Variants in C4orf50 observed in about 807,000 individuals in gnomAD.
C4orf50 encodes the protein chromosome 4 open reading frame 50.
In C4orf50, 80 loss-of-function variants were observed where a neutral mutation model predicts 77.2. That is an observed-to-expected ratio of 1.04 (90% CI 0.87 to 1.25). The LOEUF (loss-of-function observed/expected upper bound fraction) is 1.25, where lower values mean the gene tolerates loss of function less well. Among genes scored for constraint, C4orf50 ranks in the 50% most tolerant of loss-of-function variants. The pLI is 0.00. For missense variants in C4orf50, 1,257 were observed against 1,152.9 expected (o/e 1.09, Z -1.31); for synonymous variants, 532 against 465.3 (o/e 1.14, Z -1.84).
Position 5,992,681 on chromosome 4 carries a change from C to G in C4orf50, c.1221+122G>C. On this transcript the variant is annotated intron_variant, in intron 27 of 33. Coordinates refer to ENST00000531445, the Ensembl canonical transcript of C4orf50. The surrounding 1 kb of genome is among the most constrained non-coding windows in gnomAD (Gnocchi z 5.0). ...CTCTCTCAACTACTTCCAGAATGTTCTCCCAGACCTGGAGCTTCTTTACCC... is the reference window on the plus strand; with the variant it reads ...CTCTCTCAACTACTTCCAGAATGTTGTCCCAGACCTGGAGCTTCTTTACCC... 1 of 358,056 alleles carries G rather than the reference C, an allele frequency of 2.8e-6. No homozygotes were observed. The highest frequency in any genetic ancestry group is 1.5e-4 in the South Asian group (1 of 6,704). The allele number at this position is 358,056 out of a possible 1,614,324, so 22.2% of individuals were successfully genotyped here.
Position 5,916,631 on chromosome 4 carries a change from T to C in C4orf50, c.*2475-18443A>G, listed in dbSNP as rs187661484. ...CCTGAGACCCAGACAGGGGTGCAGG[T>C]GGTTTATTTGGGGGGAGATCCCAGA... On this transcript the variant is annotated intron_variant, in intron 7 of 7. Transcript: ENST00000324058. The surrounding 1 kb of genome is among the most constrained non-coding windows in gnomAD (Gnocchi z 4.4). 1.7e-4 allele frequency among the ~76,000 whole-genome samples: 26 copies of C among 151,714 alleles called. No individual in the cohort carries two copies. The highest frequency in any genetic ancestry group is 1.1e-3 in the Admixed American group (17 of 15,230).
At position 6,018,463 on chromosome 4, in the gene C4orf50, A is replaced by G. The variant is rs4234717; in HGVS notation, c.-32T>C. Reference sequence around the variant, plus strand: ...AATATTTCATGGGGCAAGACTTAATAATAAAATTAAGTGAGTTTGCAACAT... The same window carrying G: ...AATATTTCATGGGGCAAGACTTAATGATAAAATTAAGTGAGTTTGCAACAT... On this transcript the variant is annotated 5_prime_UTR_variant, in exon 23 of 34. Transcript: ENST00000531445. This position sits in a 1 kb window ranked among gnomAD's most constrained non-coding sequence, Gnocchi z 5.1. The G allele has an allele frequency of 0.54, 216,633 of 398,554 alleles. 59,333 individuals carry two copies. The highest frequency in any genetic ancestry group is 0.6 in the Admixed American group (13,631 of 22,702). The allele number at this position is 398,554 out of a possible 1,614,324, so 24.7% of individuals were successfully genotyped here.
Position 5,908,973 on chromosome 4 carries a change from T to C in C4orf50, c.*2475-10785A>G, listed in dbSNP as rs1716672868. On this transcript the variant is annotated intron_variant, in intron 7 of 7. Transcript: ENST00000324058. This position sits in a 1 kb window ranked among gnomAD's most constrained non-coding sequence, Gnocchi z 5.6. ...CCCAGCCCAGTCCATGACTGCCTCT[T>C]AGCTGGACCACAGAGAGTTTCCTAA... 6.6e-6 allele frequency among the ~76,000 whole-genome samples: 1 copy of C among 152,186 alleles called. No individual in the cohort carries two copies. Among genetic ancestry groups the C allele is most frequent in the Admixed American group, 6.5e-5 (1 of 15,280 alleles).
At chr4:5,998,758 G>T (rs1447468798) in intron 25 of C4orf50, among the ~76,000 whole-genome samples, 1 of 152,212 alleles carries the variant, frequency 6.6e-6, no homozygotes, top group East Asian at 1.9e-4. Flanking sequence ...TCCTCTATAA[G>T]CTTTTGGAGG....
chr4:5,989,379 G>A lies in C4orf50; in HGVS notation c.2667C>T (p.Ser889=), dbSNP rs187983919. ...GTGTCCCTGGGTTACCAGGAACTTC[G>A]CTGGTGCCCAGGGCCGTGGTCTTTC... is the stretch of plus-strand genomic sequence containing the variant. Residue 889 remains serine (S), a synonymous_variant, in exon 28 of 34, where the codon AGC becomes AGT. Transcript: ENST00000531445. 6.9e-5 allele frequency: 106 copies of A among 1,536,040 alleles called. 1 individual carries two copies. The highest frequency in any genetic ancestry group is 5.0e-4 in the Middle Eastern group (3 of 5,990).
chr4:5,933,501 G>A (rs1577903735), intron 7 of C4orf50, among the ~76,000 whole-genome samples: 1 of 152,162 alleles, frequency 6.6e-6, no homozygotes, highest in Non-Finnish European at 1.5e-5. Flanking sequence ...GCACACACTG[G>A]TACACACCAG....
intron 31 of C4orf50, among the ~76,000 whole-genome samples, chr4:5,971,861 G>C (rs753076414): frequency 6.8e-4 from 103 of 152,276 alleles, no homozygotes; most frequent in Admixed American, 1.7e-3. Context: ...TTCAATTCTA[G>C]TTCCAGGGCC....
rs1717830805 is a variant in C4orf50, at chr4:5,932,922, C to A, written c.*2474+23979G>T. ...TAATGGTGGTGCAGCTCCTGGCATA[C>A]AGCAGCCACTCAATAAATGGCGGAA... On this transcript the variant is annotated intron_variant, in intron 7 of 7. Coordinates refer to the C4orf50 transcript ENST00000324058. The surrounding 1 kb of genome is among the most constrained non-coding windows in gnomAD (Gnocchi z 4.2). Among the ~76,000 whole-genome samples, 1 of 152,178 alleles carries A rather than the reference C, an allele frequency of 6.6e-6. No homozygotes were observed. Among genetic ancestry groups the A allele is most frequent in the Non-Finnish European group, 1.5e-5 (1 of 68,042 alleles).
chr4:5,994,452 C>T (rs1721466843), exon 26 of C4orf50: 1 of 399,022 alleles, frequency 2.5e-6, no homozygotes, highest in Admixed American at 4.4e-5. Context: ...GGCAGTGAGT[C>T]ACCCTGAACA....
intron 7 of C4orf50, among the ~76,000 whole-genome samples, chr4:5,939,058 A>G (rs1379759326): frequency 6.6e-6 from 1 of 152,170 alleles, no homozygotes; most frequent in Non-Finnish European, 1.5e-5. Flanking sequence ...CCTGGCCAAC[A>G]TGGTGAAACC....
exon 28 of C4orf50, chr4:5,988,642 T>C: frequency 6.5e-7 from 1 of 1,536,138 alleles, no homozygotes; most frequent in South Asian, 1.2e-5. Flanking sequence ...TGGAGTCACC[T>C]GCACCTCTTT....
At chr4:5,921,868 T>G (rs1717290478) in intron 7 of C4orf50, among the ~76,000 whole-genome samples, 1 of 151,980 alleles carries the variant, frequency 6.6e-6, no homozygotes, top group African/African-American at 2.4e-5. Context: ...GGGAAAGCTG[T>G]GATAAGGGTG....
intron 33 of C4orf50, among the ~76,000 whole-genome samples, chr4:5,961,269 C>T (rs1468711969): frequency 6.6e-6 from 1 of 152,172 alleles, no homozygotes. Context: ...GAGCCGAGAT[C>T]GTGCCTCTGC....
At chr4:5,921,215 G>C (rs1717254384) in intron 7 of C4orf50, among the ~76,000 whole-genome samples, 1 of 152,212 alleles carries the variant, frequency 6.6e-6, no homozygotes, top group Admixed American at 6.5e-5. Flanking sequence ...GCCTGTGATA[G>C]GCTTGATGAT....
intron 25 of C4orf50, among the ~76,000 whole-genome samples, chr4:6,004,251 T>C (rs1405661877): frequency 7.4e-5 from 6 of 80,596 alleles, no homozygotes; most frequent in African/African-American, 9.8e-5. Context: ...ATGGTGATGA[T>C]GGTGATGGTG....
chr4:5,919,042 C>G lies in C4orf50; in HGVS notation c.*2475-20854G>C, dbSNP rs1479985071. 1.3e-5 allele frequency among the ~76,000 whole-genome samples: 2 copies of G among 152,202 alleles called. No individual in the cohort carries two copies. The highest frequency in any genetic ancestry group is 2.9e-5 in the Non-Finnish European group (2 of 68,028). ...CAAAGGGCTTGCCCAAGTCTCGGTG[C>G]TTCTCAAGAGAACTTGCTGCTATGG... On this transcript the variant is annotated intron_variant, in intron 7 of 7. Coordinates refer to the C4orf50 transcript ENST00000324058. This position sits in a 1 kb window ranked among gnomAD's most constrained non-coding sequence, Gnocchi z 6.5.
chr4:5,967,803 C>G (rs1234396763), intron 31 of C4orf50, among the ~76,000 whole-genome samples: 1 of 152,238 alleles, frequency 6.6e-6, no homozygotes, highest in East Asian at 1.9e-4. Flanking sequence ...GCTCTGATGT[C>G]TCCCCTGGGG....
At chr4:5,990,636 C>G in exon 28 of C4orf50, 1 of 399,168 alleles carries the variant, frequency 2.5e-6, no homozygotes, top group Non-Finnish European at 4.4e-6. Context: ...AGTCCCCAGC[C>G]GGCCCCCAGA....
intron 25 of C4orf50, among the ~76,000 whole-genome samples, chr4:6,003,549 T>TGTGATG (rs1198204605): frequency 7.7e-6 from 1 of 129,732 alleles, no homozygotes; most frequent in Non-Finnish European, 1.7e-5. Context: ...TGATGGTGAC[T>TGTGATG]GTGATGGTGA....
Sources: allele counts gnomAD v4.1 joint callset (sites outside exome capture counted in the v4.1 genomes callset), GRCh38; gene constraint gnomAD v4.1.1; non-coding constraint Gnocchi (gnomAD v3.1); transcripts MANE v1.5; gene names NCBI Gene and HGNC (gene_info 2026-07-23, HGNC 2026-07-21).